Variants in NEDD4L observed in about 807,000 individuals in gnomAD.
NEDD4L encodes NEDD4 like E3 ubiquitin protein ligase, also known as E3 ubiquitin-protein ligase NEDD4-like.
NEDD4L carries 54 observed loss-of-function variants against 148.9 expected under a neutral mutation model. That is an observed-to-expected ratio of 0.36 (90% CI 0.29 to 0.45). NEDD4L has a LOEUF of 0.45. Among genes scored for constraint, NEDD4L ranks in the 20% least tolerant of loss-of-function variants. The pLI is 1.00. For missense variants in NEDD4L, 856 were observed against 1,233.8 expected, an observed-to-expected ratio of 0.69 and a Z score of 4.59; for synonymous variants, 433 against 440.7, an observed-to-expected ratio of 0.98 and a Z score of 0.22.
At chr18:58,336,247 A>G (rs186301401) in intron 13 of NEDD4L, among the ~76,000 whole-genome samples, 1 of 152,270 alleles carries the variant, frequency 6.6e-6, no homozygotes, top group Non-Finnish European at 1.5e-5. Flanking sequence ...AAGTTAGGCT[A>G]GCTTATAGTT....
chr18:58,341,648 G>A (rs2042438274), intron 14 of NEDD4L, 30 bp from the exon 15 acceptor site: 1 of 1,600,508 alleles, frequency 6.2e-7, no homozygotes, highest in South Asian at 1.1e-5. Flanking sequence ...ATCCTCCTAT[G>A]AAGCTAACTT....
At chr18:58,098,005 C>T (rs374445168) in intron 1 of NEDD4L, among the ~76,000 whole-genome samples, 2 of 152,068 alleles carry the variant, frequency 1.3e-5, no homozygotes, top group Non-Finnish European at 1.5e-5. Flanking sequence ...CTGCAGCCTG[C>T]GCGACAGAGT....
At chr18:58,230,420 T>C (rs939019689) in intron 2 of NEDD4L, among the ~76,000 whole-genome samples, 8 of 151,796 alleles carry the variant, frequency 5.3e-5, no homozygotes, top group African/African-American at 4.8e-5. Flanking sequence ...GCTTCTTCTT[T>C]TTTTTTTTTT....
intron 12 of NEDD4L, among the ~76,000 whole-genome samples, chr18:58,334,278 G>A (rs1474023753): frequency 6.6e-6 from 1 of 152,166 alleles, no homozygotes; most frequent in East Asian, 1.9e-4. Context: ...CTGGGCGACC[G>A]TCCACATGTT....
intron 5 of NEDD4L, among the ~76,000 whole-genome samples, chr18:58,284,720 T>C (rs550491803): frequency 1.4e-4 from 22 of 152,362 alleles, no homozygotes; most frequent in African/African-American, 5.3e-4. Flanking sequence ...TAAGTGATGT[T>C]TGCAAATTGA....
intron 12 of NEDD4L, among the ~76,000 whole-genome samples, 190 bp from the exon 13 acceptor site, chr18:58,335,288 G>T (rs1035793585): frequency 3.3e-5 from 5 of 152,194 alleles, no homozygotes; most frequent in African/African-American, 1.2e-4. Flanking sequence ...ACCTTGGGGG[G>T]CATAGGGGTC....
At chr18:58,070,892 CAGAT>C (rs1259015692) in intron 1 of NEDD4L, among the ~76,000 whole-genome samples, 1 of 152,122 alleles carries the variant, frequency 6.6e-6, no homozygotes, top group East Asian at 1.9e-4. Flanking sequence ...AATCACTAAT[CAGAT>C]AGCAACAAAA....
chr18:58,080,772 G>A (rs1299746478), intron 1 of NEDD4L, among the ~76,000 whole-genome samples: 1 of 152,170 alleles, frequency 6.6e-6, no homozygotes, highest in African/African-American at 2.4e-5. Flanking sequence ...AGTAACTGGT[G>A]GAGTGAGTTG....
intron 2 of NEDD4L, among the ~76,000 whole-genome samples, chr18:58,190,663 A>G (rs1445127030): frequency 6.6e-6 from 1 of 152,192 alleles, no homozygotes; most frequent in Non-Finnish European, 1.5e-5. Flanking sequence ...ATGTACATAC[A>G]CTTTTCTTGT....
intron 2 of NEDD4L, among the ~76,000 whole-genome samples, chr18:58,208,485 T>C (rs1013816572): frequency 2.6e-5 from 4 of 152,214 alleles, no homozygotes; most frequent in Non-Finnish European, 5.9e-5. Flanking sequence ...CATAAATGAA[T>C]GTGATTTTAT....
At chr18:58,373,443 A>C (rs1330679152) in intron 24 of NEDD4L, among the ~76,000 whole-genome samples, 174 bp downstream of exon 24, 1 of 152,210 alleles carries the variant, frequency 6.6e-6, no homozygotes, top group East Asian at 1.9e-4. Context: ...GCCACACTCC[A>C]ATTACAACCA....
At chr18:58,082,272 T>A (rs113624582) in intron 1 of NEDD4L, among the ~76,000 whole-genome samples, 2 of 148,050 alleles carry the variant, frequency 1.4e-5, no homozygotes, top group Admixed American at 6.7e-5. Context: ...AACGCCCGGC[T>A]AATTTTTGTA....
chr18:58,359,175 T>C (rs2045134905), intron 19 of NEDD4L, among the ~76,000 whole-genome samples: 1 of 152,228 alleles, frequency 6.6e-6, no homozygotes, highest in South Asian at 2.1e-4. Context: ...GTCGATGTTG[T>C]CTGAGGTGTA....
At chr18:58,262,012 G>A (rs1026734015) in intron 5 of NEDD4L, among the ~76,000 whole-genome samples, 3 of 152,234 alleles carry the variant, frequency 2.0e-5, no homozygotes, top group South Asian at 4.1e-4. Context: ...CTCAGAGTTG[G>A]CTGGTGATTA....
At chr18:58,070,527 A>T (rs2082812639) in intron 1 of NEDD4L, among the ~76,000 whole-genome samples, 1 of 152,058 alleles carries the variant, frequency 6.6e-6, no homozygotes, top group South Asian at 2.1e-4. Flanking sequence ...TTCCTTGACG[A>T]CTTCAAAAAG....
intron 2 of NEDD4L, among the ~76,000 whole-genome samples, chr18:58,181,753 A>G (rs2038890930): frequency 6.6e-6 from 1 of 152,214 alleles, no homozygotes; most frequent in Non-Finnish European, 1.5e-5. Flanking sequence ...GCCTATATCC[A>G]TGCTGTTTAT....
chr18:58,158,642 T>C (rs1207868591), intron 1 of NEDD4L, among the ~76,000 whole-genome samples: 3 of 152,226 alleles, frequency 2.0e-5, no homozygotes, highest in Non-Finnish European at 4.4e-5. Flanking sequence ...GGGTGTCTGC[T>C]TGTTGACAGC....
At position 58,256,839 on chromosome 18, in the gene NEDD4L, A is replaced by G. The variant is rs985487365; in HGVS notation, c.297+4785A>G. Reference sequence around the variant, plus strand: ...ACTTCGATGCTTACTCTGCGGCGTAACCAAAATAAAACCTCACCCTCTGTT... The same window carrying G: ...ACTTCGATGCTTACTCTGCGGCGTAGCCAAAATAAAACCTCACCCTCTGTT... On this transcript the variant is annotated intron_variant, in intron 5 of 30. Transcript: ENST00000400345. The surrounding 1 kb of genome is among the most constrained non-coding windows in gnomAD (Gnocchi z 5.2). 8 of 1,210,148 alleles carry G rather than the reference A, an allele frequency of 6.6e-6. No homozygotes were observed. Among genetic ancestry groups the G allele is most frequent in the Admixed American group, 4.2e-5 (1 of 23,692 alleles). 75.0% of individuals were successfully genotyped at this position (1,210,148 alleles called of 1,614,324 possible).
At chr18:58,352,483 C>A (rs996998106) in intron 18 of NEDD4L, among the ~76,000 whole-genome samples, 2 of 151,972 alleles carry the variant, frequency 1.3e-5, no homozygotes, top group South Asian at 2.1e-4. Flanking sequence ...GATGAAACCC[C>A]GTCTCTACTA....
Sources: gnomAD v4.1 joint callset for allele counts (sites outside exome capture counted in the v4.1 genomes callset) on GRCh38, gnomAD v4.1.1 for gene constraint, Gnocchi (gnomAD v3.1) non-coding constraint, MANE v1.5 for transcripts, NCBI Gene and HGNC (gene_info 2026-07-23, HGNC 2026-07-21) for gene names.